OPCML: variants seen among roughly 807,000 people sequenced by gnomAD.
The protein encoded by OPCML is opioid binding protein/cell adhesion molecule like.
OPCML carries 13 observed loss-of-function variants against 37.8 expected under a neutral mutation model. That is an observed-to-expected ratio of 0.34 (90% confidence interval 0.22 to 0.55). The LOEUF (loss-of-function observed/expected upper bound fraction) is 0.55. Among genes scored for constraint, OPCML ranks in the 20% least tolerant of loss-of-function variants. The probability of loss-of-function intolerance (pLI) is 0.91; values close to 1 mark genes in which losing one functional copy is unlikely to be tolerated. For missense variants in OPCML, 341 were observed against 435.6 expected, an observed-to-expected ratio of 0.78 and a Z score of 1.93; for synonymous variants, 176 against 168.8, an observed-to-expected ratio of 1.04 and a Z score of -0.33.
intron 4 of OPCML, among the ~76,000 whole-genome samples, chr11:132,445,636 G>A (rs2096052465): frequency 6.6e-6 from 1 of 152,194 alleles, no homozygotes; most frequent in East Asian, 1.9e-4. Flanking sequence ...TCATGCTTAT[G>A]GATGGTGAAC....
At chr11:132,854,823 T>C (rs761266633) in intron 2 of OPCML, among the ~76,000 whole-genome samples, 24 of 152,328 alleles carry the variant, frequency 1.6e-4, no homozygotes, top group African/African-American at 3.4e-4. Flanking sequence ...GTGGGACATG[T>C]TGAAACTGCC....
At chr11:133,092,010 G>C (rs1474560004) in intron 1 of OPCML, among the ~76,000 whole-genome samples, 1 of 152,146 alleles carries the variant, frequency 6.6e-6, no homozygotes, top group African/African-American at 2.4e-5. Flanking sequence ...AGCTGTAAGA[G>C]GTGGGGCATT....
intron 1 of OPCML, among the ~76,000 whole-genome samples, chr11:133,042,962 C>T (rs778369709): frequency 6.6e-6 from 1 of 152,166 alleles, no homozygotes; most frequent in Non-Finnish European, 1.5e-5. Flanking sequence ...CTCTCACGTA[C>T]AGTTCCACAC....
intron 1 of OPCML, among the ~76,000 whole-genome samples, chr11:133,198,094 G>T (rs1446515827): frequency 6.6e-6 from 1 of 152,142 alleles, no homozygotes; most frequent in East Asian, 1.9e-4. Context: ...AACCTTCCTA[G>T]AATAAACAAA....
chr11:133,129,220 G>T (rs1280722172), intron 1 of OPCML, among the ~76,000 whole-genome samples: 1 of 152,120 alleles, frequency 6.6e-6, no homozygotes, highest in East Asian at 1.9e-4. Context: ...GAGCTTCAGA[G>T]ATCTACAAAG....
At chr11:133,463,075 C>T (rs1322219165) in intron 1 of OPCML, among the ~76,000 whole-genome samples, 2 of 134,206 alleles carry the variant, frequency 1.5e-5, no homozygotes, top group Non-Finnish European at 3.1e-5. Context: ...CAAAATAAGC[C>T]AGCCACAAAA....
chr11:132,872,144 C>T (rs144484733), intron 2 of OPCML, among the ~76,000 whole-genome samples: 3 of 152,288 alleles, frequency 2.0e-5, no homozygotes, highest in Non-Finnish European at 4.4e-5. Context: ...CTTACTAGAA[C>T]ATTGCCTGGG....
intron 1 of OPCML, among the ~76,000 whole-genome samples, chr11:133,137,473 T>C (rs1274438067): frequency 6.6e-6 from 1 of 152,230 alleles, no homozygotes; most frequent in African/African-American, 2.4e-5. Flanking sequence ...AATAGAGGAC[T>C]GACTCATAGC....
At chr11:133,100,136 A>G (rs1949064753) in intron 1 of OPCML, among the ~76,000 whole-genome samples, 1 of 152,186 alleles carries the variant, frequency 6.6e-6, no homozygotes, top group Non-Finnish European at 1.5e-5. Flanking sequence ...ACATGGGGAC[A>G]AAGATGGGAC....
chr11:132,871,136 A>G (rs1942779255), intron 2 of OPCML, among the ~76,000 whole-genome samples: 1 of 152,046 alleles, frequency 6.6e-6, no homozygotes, highest in Non-Finnish European at 1.5e-5. Context: ...ATGTATATGT[A>G]TATATTCCAA....
chr11:132,683,734 T>C (rs915557427), intron 2 of OPCML, among the ~76,000 whole-genome samples: 1 of 152,136 alleles, frequency 6.6e-6, no homozygotes, highest in African/African-American at 2.4e-5. Flanking sequence ...TCATTCAGAG[T>C]GATACTGATG....
chr11:133,459,315 G>A (rs570227773), intron 1 of OPCML, among the ~76,000 whole-genome samples: 3 of 151,746 alleles, frequency 2.0e-5, no homozygotes, highest in South Asian at 4.2e-4. Flanking sequence ...AAAAAATGAG[G>A]GACACAAAAG....
intron 1 of OPCML, among the ~76,000 whole-genome samples, chr11:133,378,359 A>G (rs1191958765): frequency 6.6e-6 from 1 of 152,140 alleles, no homozygotes; most frequent in Non-Finnish European, 1.5e-5. Flanking sequence ...TTTGTATTAA[A>G]TTTGATCATT....
At chr11:132,671,076 C>T (rs1942456464) in intron 2 of OPCML, among the ~76,000 whole-genome samples, 1 of 152,112 alleles carries the variant, frequency 6.6e-6, no homozygotes, top group Non-Finnish European at 1.5e-5. Context: ...GAACAGATTA[C>T]ACATCTGAAC....
chr11:133,091,862 A>G (rs1032465245), intron 1 of OPCML, among the ~76,000 whole-genome samples: 1 of 152,158 alleles, frequency 6.6e-6, no homozygotes, highest in Non-Finnish European at 1.5e-5. Flanking sequence ...GCTGAAATGC[A>G]TTAAGACTTT....
At chr11:133,499,260 G>T (rs1316940337) in intron 1 of OPCML, among the ~76,000 whole-genome samples, 1 of 152,116 alleles carries the variant, frequency 6.6e-6, no homozygotes, top group African/African-American at 2.4e-5. Context: ...GGGCAGGCAG[G>T]GTCAGAGGAA....
intron 1 of OPCML, among the ~76,000 whole-genome samples, chr11:132,981,706 C>T (rs945716276): frequency 5.3e-5 from 8 of 152,152 alleles, no homozygotes. Flanking sequence ...ATCTTAGACT[C>T]AGCTTATTTT....
chr11:133,239,798 G>A lies in OPCML; in HGVS notation c.61+292466C>T, dbSNP rs147916274. On this transcript the variant is annotated intron_variant, in intron 1 of 7. Transcript: ENST00000524381. Reference sequence around the variant, plus strand: ...GAGATGCCAGAGAAAGCGGGAGATGGAGAGAGCTCAGGAACACAAAAGATC... The same window carrying A: ...GAGATGCCAGAGAAAGCGGGAGATGAAGAGAGCTCAGGAACACAAAAGATC... Among the ~76,000 whole-genome samples, 8 of 152,284 alleles carry A rather than the reference G, an allele frequency of 5.3e-5. No individual in the cohort carries two copies. In the East Asian group the frequency reaches 1.5e-3, roughly 29 times the overall value.
chr11:133,498,124 G>A (rs531960917), intron 1 of OPCML, among the ~76,000 whole-genome samples: 1 of 152,152 alleles, frequency 6.6e-6, no homozygotes, highest in Non-Finnish European at 1.5e-5. Context: ...CCGGGCAAGC[G>A]GCGGTTGCTC....
Sources: allele counts gnomAD v4.1 joint callset (sites outside exome capture counted in the v4.1 genomes callset), GRCh38; gene constraint gnomAD v4.1.1; transcripts MANE v1.5; gene names NCBI Gene and HGNC (gene_info 2026-07-23, HGNC 2026-07-21).